MGST1: variants seen among roughly 807,000 people sequenced by gnomAD.
The protein encoded by MGST1 is glutathione S-transferase 12.
MGST1 carries 5 observed loss-of-function variants against 8.9 expected under a neutral mutation model. The ratio of observed to expected loss-of-function variants is 0.56; its 90% CI spans 0.29 to 1.19. MGST1 has a LOEUF of 1.19. MGST1 is among the 50% of genes most tolerant of loss of function. The probability of loss-of-function intolerance (pLI) is 0.08; values close to 1 mark genes in which losing one functional copy is unlikely to be tolerated. For synonymous variants in MGST1, 54 were observed against 67.8 expected (o/e 0.80, Z 1.00); for missense variants, 182 against 187.4 (o/e 0.97, Z 0.17).
chr12:16,484,124 G>A (rs1941383549), intron 4 of MGST1, among the ~76,000 whole-genome samples: 1 of 152,160 alleles, frequency 6.6e-6, no homozygotes, highest in African/African-American at 2.4e-5. Context: ...CTTGCAGCTA[G>A]TACTCTGGAT....
intron 1 of MGST1, among the ~76,000 whole-genome samples, chr12:16,405,740 A>G (rs1940693392): frequency 6.6e-6 from 1 of 152,230 alleles, no homozygotes; most frequent in Non-Finnish European, 1.5e-5. Context: ...TATCTCTGAG[A>G]TGCAAGGTTG....
chr12:16,515,241 T>G (rs934608465), intron 4 of MGST1, among the ~76,000 whole-genome samples: 2 of 152,200 alleles, frequency 1.3e-5, no homozygotes, highest in Non-Finnish European at 2.9e-5. Flanking sequence ...GAAGGCTCTC[T>G]TTTCTTCTTT....
rs919480021 is a variant in MGST1 at position 16,470,827 on chromosome 12, A to C, written n.482+87223A>C. ...AAAATAAGTTACTTAAGAGTTAACT[A>C]TTTTTCCAAATTAAATTGCACATTA... On this transcript the variant is annotated intron_variant and non_coding_transcript_variant, in intron 4 of 4. Transcript: ENST00000538857. 2.0e-5 allele frequency among the ~76,000 whole-genome samples: 3 copies of C among 152,328 alleles called. No individual in the cohort carries two copies. The East Asian group carries it at 5.8e-4, about 29-fold the overall frequency.
At chr12:16,432,423 T>C (rs1940945893) in intron 1 of MGST1, among the ~76,000 whole-genome samples, 2 of 151,992 alleles carry the variant, frequency 1.3e-5, no homozygotes, top group East Asian at 1.9e-4. Flanking sequence ...GTACTTATGG[T>C]CAGTGGGTGA....
intron 4 of MGST1, among the ~76,000 whole-genome samples, chr12:16,457,169 A>AT (rs1312096891): frequency 6.6e-6 from 1 of 151,952 alleles, no homozygotes; most frequent in Admixed American, 6.6e-5. Flanking sequence ...TTAACTAAAT[A>AT]TTTTTACGAC....
At chr12:16,449,412 G>T (rs1941111116) in intron 4 of MGST1, among the ~76,000 whole-genome samples, 1 of 151,728 alleles carries the variant, frequency 6.6e-6, no homozygotes, top group African/African-American at 2.4e-5. Flanking sequence ...TTCCCGCCAG[G>T]CCCCACCTCC....
intron 1 of MGST1, among the ~76,000 whole-genome samples, chr12:16,416,764 A>C (rs1268802696): frequency 6.6e-6 from 1 of 152,226 alleles, no homozygotes; most frequent in African/African-American, 2.4e-5. Flanking sequence ...TATATGTAAA[A>C]AAAGTTGTTG....
intron 1 of MGST1, among the ~76,000 whole-genome samples, chr12:16,385,263 A>G (rs950690262): frequency 1.8e-4 from 27 of 152,218 alleles, no homozygotes; most frequent in African/African-American, 6.5e-4. Flanking sequence ...TTAATAAGAA[A>G]TAGTTTGAAC....
chr12:16,507,151 T>C (rs538423009), intron 4 of MGST1, among the ~76,000 whole-genome samples: 1 of 152,174 alleles, frequency 6.6e-6, no homozygotes, highest in South Asian at 2.1e-4. Context: ...ATTCCCTAGA[T>C]AGAGAAAGAG....
rs1227509047 is a variant in MGST1, at chr12:16,560,184, C to T, written n.483-29344C>T. ...AAGTCAGAGTTTACGGTAGTGTTTC[C>T]ATTTTCTGTTACTTGCTCTTATATG... is the stretch of plus-strand genomic sequence containing the variant. On this transcript the variant is annotated intron_variant and non_coding_transcript_variant, in intron 4 of 4. Transcript: ENST00000538857. This position sits in a 1 kb window ranked among gnomAD's most constrained non-coding sequence, Gnocchi z 5.0. 1.3e-5 allele frequency among the ~76,000 whole-genome samples: 2 copies of T among 152,054 alleles called. No individual in the cohort carries two copies. The highest frequency in any genetic ancestry group is 4.8e-5 in the African/African-American group (2 of 41,404).
intron 1 of MGST1, among the ~76,000 whole-genome samples, chr12:16,416,576 T>A (rs1307887864): frequency 6.6e-6 from 1 of 152,056 alleles, no homozygotes; most frequent in East Asian, 1.9e-4. Context: ...CTCTCTCCTG[T>A]CTCTTCTTAT....
chr12:16,480,887 G>T (rs922550289), intron 4 of MGST1, among the ~76,000 whole-genome samples: 2 of 152,090 alleles, frequency 1.3e-5, no homozygotes, highest in South Asian at 4.1e-4. Context: ...GGGCAACATA[G>T]CCAGAGCCTG....
chr12:16,479,359 C>A (rs1470612325), intron 4 of MGST1, among the ~76,000 whole-genome samples: 2 of 150,578 alleles, frequency 1.3e-5, no homozygotes, highest in East Asian at 3.9e-4. Context: ...CTCAGCCTCC[C>A]GAGTAGCTGG....
intron 4 of MGST1, among the ~76,000 whole-genome samples, chr12:16,473,738 G>A (rs976085719): frequency 2.6e-5 from 4 of 152,016 alleles, no homozygotes; most frequent in Non-Finnish European, 4.4e-5. Flanking sequence ...ATCACTGGCC[G>A]TGTGCGACAG....
chr12:16,538,141 T>C (rs919338318), intron 4 of MGST1, among the ~76,000 whole-genome samples: 1 of 152,126 alleles, frequency 6.6e-6, no homozygotes, highest in African/African-American at 2.4e-5. Flanking sequence ...CCCTAAATTA[T>C]CTCTCTCAAG....
intron 4 of MGST1, among the ~76,000 whole-genome samples, chr12:16,446,172 C>T (rs1293877799): frequency 6.6e-6 from 1 of 151,900 alleles, no homozygotes; most frequent in Non-Finnish European, 1.5e-5. Flanking sequence ...ATATCACTAT[C>T]GAATTAGTGC....
intron 3 of MGST1, among the ~76,000 whole-genome samples, chr12:16,375,841 T>C (rs1255022285): frequency 6.6e-6 from 1 of 151,870 alleles, no homozygotes; most frequent in African/African-American, 2.4e-5. Flanking sequence ...GAACCTGGAA[T>C]ATGACTTACC....
intron 1 of MGST1, among the ~76,000 whole-genome samples, chr12:16,388,576 C>T (rs185223267): frequency 2.0e-5 from 3 of 152,332 alleles, no homozygotes; most frequent in Admixed American, 6.5e-5. Context: ...CTGGTGTCTA[C>T]TGTATTCCCT....
At chr12:16,580,846 T>C (rs1365704686) in intron 4 of MGST1, among the ~76,000 whole-genome samples, 2 of 152,210 alleles carry the variant, frequency 1.3e-5, no homozygotes, top group African/African-American at 2.4e-5. Flanking sequence ...ATAAAAGCTT[T>C]TATTAATTAT....
Sources: allele counts gnomAD v4.1 joint callset (sites outside exome capture counted in the v4.1 genomes callset), GRCh38; gene constraint gnomAD v4.1.1; non-coding constraint Gnocchi (gnomAD v3.1); transcripts MANE v1.5; gene names NCBI Gene and HGNC (gene_info 2026-07-23, HGNC 2026-07-21).